PRKCH: variants seen among roughly 807,000 people sequenced by gnomAD.
The protein encoded by PRKCH is protein kinase C eta.
PRKCH carries 28 observed loss-of-function variants against 82.5 expected under a neutral mutation model. The observed-to-expected ratio is 0.34, with a 90% CI of 0.25 to 0.47. PRKCH has a LOEUF of 0.47. Ranked by LOEUF, PRKCH falls within the 20% of genes least tolerant of loss-of-function variation. The pLI is 1.00. For synonymous variants in PRKCH, 322 were observed against 327.4 expected (o/e 0.98, Z 0.18); for missense variants, 705 against 881.8 (o/e 0.80, Z 2.54).
At chr14:61,517,604 A>G (rs2042846663) in intron 10 of PRKCH, among the ~76,000 whole-genome samples, 1 of 152,230 alleles carries the variant, frequency 6.6e-6, no homozygotes. Flanking sequence ...GATAATGGCT[A>G]GCATTTACCT....
At chr14:61,381,704 CTGG>C (rs2046512249) in intron 1 of PRKCH, among the ~76,000 whole-genome samples, 1 of 152,244 alleles carries the variant, frequency 6.6e-6, no homozygotes, top group East Asian at 1.9e-4. Flanking sequence ...GCACATCAGG[CTGG>C]TGCCACTCCC....
chr14:61,381,805 G>A (rs2046514593), intron 1 of PRKCH, among the ~76,000 whole-genome samples: 1 of 152,252 alleles, frequency 6.6e-6, no homozygotes, highest in African/African-American at 2.4e-5. Context: ...GGAATGAGTG[G>A]TGTGATGACC....
At chr14:61,264,006 A>G (rs1454881010) in intron 1 of PRKCH, among the ~76,000 whole-genome samples, 1 of 152,050 alleles carries the variant, frequency 6.6e-6, no homozygotes, top group Non-Finnish European at 1.5e-5. Flanking sequence ...GCATTGTTTA[A>G]CTGAGTCCTT....
chr14:61,230,782 T>A (rs2044737059), intron 1 of PRKCH, among the ~76,000 whole-genome samples: 1 of 152,200 alleles, frequency 6.6e-6, no homozygotes, highest in African/African-American at 2.4e-5. Context: ...CCCCTTCTAA[T>A]TCAGAACTCT....
At chr14:61,455,250 C>T (rs1884709385) in intron 7 of PRKCH, among the ~76,000 whole-genome samples, 1 of 151,166 alleles carries the variant, frequency 6.6e-6, no homozygotes, top group Admixed American at 6.6e-5. Context: ...ACGTGTTACC[C>T]AGGATGGTCT....
chr14:61,215,041 A>G (rs968059696), intron 1 of PRKCH, among the ~76,000 whole-genome samples: 2 of 152,116 alleles, frequency 1.3e-5, no homozygotes, highest in African/African-American at 4.8e-5. Flanking sequence ...TTATCTTATT[A>G]ATCCTTGTTT....
In PRKCH at chr14:61,280,874, A is replaced by AG; in HGVS notation, c.-19+93212dup. On this transcript the variant is annotated intron_variant, in intron 1 of 3. Transcript: ENST00000555185. This position sits in a 1 kb window ranked among gnomAD's most constrained non-coding sequence, Gnocchi z 5.0. ...AGCGAGAAGTACCAGGCGCACGAGC[A>AG]GGGGGGCGGCAGCGCCCGGCCCTGG... 6.4e-7 allele frequency: 1 copy of AG among 1,564,956 alleles called. No homozygotes were observed.
Position 61,203,644 on chromosome 14 carries a change from A to G in PRKCH, c.-19+15976A>G, listed in dbSNP as rs186450594. ...GAGGTTGGGAGATACTTTTCTAGGAAGTGTTTTTCAAATATTTTTTACCGT... is the reference window on the plus strand; with the variant it reads ...GAGGTTGGGAGATACTTTTCTAGGAGGTGTTTTTCAAATATTTTTTACCGT... On this transcript the variant is annotated intron_variant, in intron 1 of 3. Coordinates refer to the PRKCH transcript ENST00000555185. Among the ~76,000 whole-genome samples the G allele has an allele frequency of 9.2e-5, 14 of 152,182 alleles. No homozygotes were observed. In the East Asian group the frequency reaches 2.7e-3, roughly 29 times the overall value.
At chr14:61,304,914 G>A (rs897015189) in intron 1 of PRKCH, 1 of 151,408 alleles carries the variant, frequency 6.6e-6, no homozygotes, top group African/African-American at 2.4e-5. Context: ...CTAGTAAGAA[G>A]TCAACTGTGA....
chr14:61,286,381 C>T (rs1356096605), intron 1 of PRKCH, among the ~76,000 whole-genome samples: 2 of 152,148 alleles, frequency 1.3e-5, no homozygotes, highest in African/African-American at 4.8e-5. Flanking sequence ...TGCAGAGAAA[C>T]TTTAATTAAC....
At chr14:61,369,872 T>C (rs1040407028) in intron 1 of PRKCH, among the ~76,000 whole-genome samples, 1 of 152,114 alleles carries the variant, frequency 6.6e-6, no homozygotes, top group Non-Finnish European at 1.5e-5. Flanking sequence ...TATTGATGCA[T>C]AGATAGTATC....
chr14:61,372,034 C>CTG (rs770522301), intron 1 of PRKCH, among the ~76,000 whole-genome samples: 3 of 152,056 alleles, frequency 2.0e-5, no homozygotes, highest in Non-Finnish European at 2.9e-5. Context: ...CAATAGGCTC[C>CTG]TGTGTCCCTT....
At chr14:61,266,176 G>T (rs2045099152) in intron 1 of PRKCH, among the ~76,000 whole-genome samples, 2 of 152,160 alleles carry the variant, frequency 1.3e-5, no homozygotes, top group Admixed American at 1.3e-4. Context: ...TCAGCACTTT[G>T]GGAGGCTGAG....
chr14:61,371,047 A>G (rs748656559), intron 1 of PRKCH, among the ~76,000 whole-genome samples: 3 of 152,130 alleles, frequency 2.0e-5, no homozygotes, highest in Non-Finnish European at 4.4e-5. Flanking sequence ...TATTTAGTGA[A>G]TAACCAAATT....
intron 10 of PRKCH, among the ~76,000 whole-genome samples, chr14:61,490,250 C>A (rs1474332455): frequency 6.6e-6 from 1 of 152,186 alleles, no homozygotes; most frequent in South Asian, 2.1e-4. Flanking sequence ...CTCTGACATG[C>A]CGCCTTTTAC....
chr14:61,345,937 A>T lies in PRKCH; in HGVS notation c.363+23473A>T, dbSNP rs151102180. On this transcript the variant is annotated intron_variant, in intron 1 of 13. Coordinates refer to ENST00000332981, the MANE Select transcript of PRKCH (RefSeq NM_006255.5). ...CACCTGCATGGAACCACTAAGCTGC[A>T]TTACACCTGCCTCAGGTGGTTGATA... Among the ~76,000 whole-genome samples the T allele has an allele frequency of 4.8e-3, 734 of 152,022 alleles. 7 individuals are homozygous for T. Among genetic ancestry groups the T allele is most frequent in the African/African-American group, 0.017 (696 of 41,460 alleles).
At chr14:61,433,987 TAAATCA>T (rs1256199296) in intron 2 of PRKCH, among the ~76,000 whole-genome samples, 3 of 152,164 alleles carry the variant, frequency 2.0e-5, no homozygotes, top group Non-Finnish European at 4.4e-5. Context: ...ATGACAACAA[TAAATCA>T]AAAAGAGAGA....
chr14:61,215,581 CTAAT>C (rs1401103767), intron 1 of PRKCH, among the ~76,000 whole-genome samples: 1 of 152,116 alleles, frequency 6.6e-6, no homozygotes, highest in Non-Finnish European at 1.5e-5. Flanking sequence ...AAAACCCTAA[CTAAT>C]ACAGATGCTC....
At chr14:61,238,627 CCT>C (rs1462263605) in intron 1 of PRKCH, among the ~76,000 whole-genome samples, 1 of 152,128 alleles carries the variant, frequency 6.6e-6, no homozygotes, top group African/African-American at 2.4e-5. Context: ...AGACAAATCC[CCT>C]GACTCTCCTC....
Sources: allele counts gnomAD v4.1 joint callset (sites outside exome capture counted in the v4.1 genomes callset), GRCh38; gene constraint gnomAD v4.1.1; non-coding constraint Gnocchi (gnomAD v3.1); transcripts MANE v1.5; gene names NCBI Gene and HGNC (gene_info 2026-07-23, HGNC 2026-07-21).